SVEP1: variants seen among roughly 807,000 people sequenced by gnomAD.
SVEP1 encodes the protein sushi, von Willebrand factor type A, EGF and pentraxin domain containing 1, also known as sushi, von Willebrand factor type A, EGF and pentraxin domain-containing protein 1.
SVEP1 carries 164 observed loss-of-function variants against 367.3 expected under a neutral mutation model. The ratio of observed to expected loss-of-function variants is 0.45; its 90% CI spans 0.39 to 0.51. SVEP1 has a LOEUF of 0.51. Ranked by LOEUF, SVEP1 falls within the 20% of genes least tolerant of loss-of-function variation. The pLI, the probability that SVEP1 is intolerant of heterozygous loss-of-function variation, is 0.00. For synonymous variants in SVEP1, 1,666 were observed against 1,611.6 expected (o/e 1.03, Z -0.81); for missense variants, 4,117 against 4,425.3 (o/e 0.93, Z 1.98).
intron 3 of SVEP1, among the ~76,000 whole-genome samples, chr9:110,527,496 T>C (rs1022505872): frequency 6.6e-6 from 1 of 152,082 alleles, no homozygotes; most frequent in Non-Finnish European, 1.5e-5. Context: ...ATTCACTAAC[T>C]TATACTTCCA....
intron 43 of SVEP1, among the ~76,000 whole-genome samples, chr9:110,381,458 G>A (rs2118954168): frequency 6.6e-6 from 1 of 152,268 alleles, no homozygotes; most frequent in South Asian, 2.1e-4. Flanking sequence ...GTACCAAGGA[G>A]TCATTCAGGA....
chr9:110,517,093 G>A (rs544843504), intron 3 of SVEP1, among the ~76,000 whole-genome samples: 1 of 152,292 alleles, frequency 6.6e-6, no homozygotes, highest in East Asian at 1.9e-4. Flanking sequence ...GTTTTATTAT[G>A]TGGGCAAGCT....
intron 24 of SVEP1, among the ~76,000 whole-genome samples, chr9:110,449,679 A>G (rs1828662605): frequency 6.6e-6 from 1 of 152,158 alleles, no homozygotes; most frequent in African/African-American, 2.4e-5. Context: ...GCAAAATTCC[A>G]TCTCAGAAAA....
chr9:110,451,884 G>T (rs1233604070), intron 22 of SVEP1, among the ~76,000 whole-genome samples: 6 of 152,156 alleles, frequency 3.9e-5, no homozygotes, highest in Admixed American at 3.9e-4. Flanking sequence ...TGTTTTGTGT[G>T]AACATAATTT....
chr9:110,568,499 G>A (rs1247704584), intron 1 of SVEP1, among the ~76,000 whole-genome samples: 1 of 151,948 alleles, frequency 6.6e-6, no homozygotes, highest in Admixed American at 6.6e-5. Flanking sequence ...TATTGCTCTG[G>A]AAATATGATG....
chr9:110,459,970 T>C (rs951821760), intron 18 of SVEP1, among the ~76,000 whole-genome samples: 3 of 152,068 alleles, frequency 2.0e-5, no homozygotes, highest in Admixed American at 1.3e-4. Flanking sequence ...AGACTAATTA[T>C]TTTTGCCAGT....
intron 36 of SVEP1, among the ~76,000 whole-genome samples, chr9:110,414,920 G>A (rs1701192592): frequency 6.6e-6 from 1 of 151,928 alleles, no homozygotes; most frequent in Non-Finnish European, 1.5e-5. Context: ...TATCTGAGAA[G>A]AATCAAAAGG....
rs541232391 is a variant in SVEP1 at position 110,446,796 on chromosome 9, C to T, written c.4261+104G>A. On this transcript the variant is annotated intron_variant, in intron 25 of 47. Transcript: ENST00000374469. ...TAAATGAGTACAAAGTGCTTGGCATCGTTTTTGGCCTACGGACACTGCTTG... is the reference window on the plus strand; with the variant it reads ...TAAATGAGTACAAAGTGCTTGGCATTGTTTTTGGCCTACGGACACTGCTTG... The T allele has an allele frequency of 5.9e-5, 59 of 1,001,734 alleles. No individual in the cohort carries two copies. In the East Asian group the frequency reaches 6.1e-4, roughly 10 times the overall value. The allele number at this position is 1,001,734 out of a possible 1,614,324, so 62.1% of individuals were successfully genotyped here. A position where few individuals can be genotyped will look rare whatever the true frequency, so the allele number is the denominator to read the frequency against.
chr9:110,399,919 A>T (rs13294114), intron 40 of SVEP1, among the ~76,000 whole-genome samples: 4 of 152,146 alleles, frequency 2.6e-5, no homozygotes, highest in African/African-American at 7.2e-5. Context: ...GTAATGTAAA[A>T]TAGGCCTCTT....
rs180850771 is a variant in SVEP1 at position 110,502,615 on chromosome 9, T to C, written c.1483+423A>G. ...TTTCAGTTGAATGTTCAGTTATTTT[T>C]ATTTGTTCTTGTTTAATAATAAAGC... On this transcript the variant is annotated intron_variant, in intron 6 of 47. Coordinates refer to ENST00000374469, the MANE Select transcript of SVEP1 (RefSeq NM_153366.4). Among the ~76,000 whole-genome samples, 12 of 152,314 alleles carry C rather than the reference T, an allele frequency of 7.9e-5. No individual in the cohort carries two copies. In the East Asian group the frequency reaches 2.3e-3, roughly 29 times the overall value.
rs113743775 is a variant in SVEP1 at position 110,428,399 on chromosome 9, A to AACACACACACACACACACACAC, written c.5808-663_5808-642dup. On this transcript the variant is annotated intron_variant, in intron 35 of 47. Transcript: ENST00000374469. ...CTTTCTCCACTGTCCCCTCTGTTTA[A>AACACACACACACACACACACAC]ACACACACACACACACACACACACA... Among the ~76,000 whole-genome samples the AACACACACACACACACACACAC allele has an allele frequency of 3.5e-3, 422 of 120,218 alleles. 2 individuals are homozygous for AACACACACACACACACACACAC. The highest frequency in any genetic ancestry group is 3.7e-3 in the South Asian group (14 of 3,744). The allele number at this position is 120,218 out of a possible 152,430, so 78.9% of individuals were successfully genotyped here. A position where few individuals can be genotyped will look rare whatever the true frequency, so the allele number is the denominator to read the frequency against.
At chr9:110,456,698 C>T (rs1828780173) in intron 21 of SVEP1, among the ~76,000 whole-genome samples, 1 of 152,044 alleles carries the variant, frequency 6.6e-6, no homozygotes, top group African/African-American at 2.4e-5. Context: ...TAGTTCATTT[C>T]CCCTCAAAAA....
Position 110,451,281 on chromosome 9 carries a change from C to T in SVEP1, c.3901+8G>A. ...TAAGACAACATAGGAAGACTGGAAA[C>T]ATCTTACCTACAAATCCTTTCACAC... On this transcript the variant is annotated splice_region_variant and intron_variant, in intron 23 of 47. Coordinates refer to ENST00000374469, the MANE Select transcript of SVEP1 (RefSeq NM_153366.4). The T allele has an allele frequency of 6.2e-7, 1 of 1,608,414 alleles. No individual in the cohort carries two copies. Among genetic ancestry groups the T allele is most frequent in the Non-Finnish European group, 8.5e-7 (1 of 1,175,048 alleles).
intron 1 of SVEP1, among the ~76,000 whole-genome samples, chr9:110,561,911 A>G (rs1203225501): frequency 6.6e-6 from 1 of 152,214 alleles, no homozygotes; most frequent in Admixed American, 6.5e-5. Context: ...TGGCCCTATA[A>G]CATTTAGGCT....
rs1194348522 is a variant in SVEP1, at chr9:110,411,710, T to C, written c.6001A>G (p.Ile2001Val). 5 of 1,587,896 alleles carry C rather than the reference T, an allele frequency of 3.1e-6. No homozygotes were observed. In the East Asian group the frequency reaches 6.9e-5, roughly 22 times the overall value. The change falls in exon 37 of 48, where the codon ATT becomes GTT. Residue 2001 changes from isoleucine (I) to valine (V), a missense_variant. By Grantham distance (29) the Ile-to-Val change is conservative. Around this residue, in one of 4 missense-constraint regions of SVEP1, gnomAD observed 2,174 missense variants for 2,494.3 expected, o/e 0.87. Coordinates refer to ENST00000374469, the MANE Select transcript of SVEP1 (RefSeq NM_153366.4). ...EGYTLAGLDTIECLADGKWSR... is the reference protein window; with the variant it reads ...EGYTLAGLDTVECLADGKWSR... The stretch of plus-strand genomic sequence containing the variant: ...CACTTGCCGTCGGCCAGGCATTCAA[T>C]GGTGTCAAGACCAGCAAGAGTATAG...
chr9:110,429,713 T>A (rs2118548971), intron 34 of SVEP1, among the ~76,000 whole-genome samples: 1 of 152,312 alleles, frequency 6.6e-6, no homozygotes, highest in African/African-American at 2.4e-5. Flanking sequence ...GATAGATTAT[T>A]GGTCAGGGGA....
At chr9:110,427,424 C>T (rs897340439) in intron 36 of SVEP1, among the ~76,000 whole-genome samples, 167 bp downstream of exon 36, 15 of 151,668 alleles carry the variant, frequency 9.9e-5, no homozygotes, top group African/African-American at 3.6e-4. Context: ...ATTATTTCCA[C>T]AGGAGAATAT....
At chr9:110,537,561 AAT>A (rs1263616303) in intron 3 of SVEP1, among the ~76,000 whole-genome samples, 2 of 151,962 alleles carry the variant, frequency 1.3e-5, no homozygotes, top group Non-Finnish European at 2.9e-5. Context: ...TTTGGAAAAA[AAT>A]ATGTTACATT....
chr9:110,519,640 C>T (rs1388270395), intron 3 of SVEP1, among the ~76,000 whole-genome samples: 1 of 152,194 alleles, frequency 6.6e-6, no homozygotes, highest in Non-Finnish European at 1.5e-5. Context: ...CCTGACCTGG[C>T]CATTGTCCAG....
Sources: gnomAD v4.1 joint callset for allele counts (sites outside exome capture counted in the v4.1 genomes callset) on GRCh38, gnomAD v4.1.1 for gene constraint, gnomAD v4.1.1 regional missense constraint, MANE v1.5 for transcripts, NCBI Gene and HGNC (gene_info 2026-07-23, HGNC 2026-07-21) for gene names.